Variants in ARPC4 observed in about 807,000 individuals in gnomAD.
The protein encoded by ARPC4 is actin related protein 2/3 complex subunit 4.
In ARPC4, 3 loss-of-function variants were observed where a neutral mutation model predicts 22.8. The ratio of observed to expected loss-of-function variants is 0.13; its 90% CI spans 0.06 to 0.34. The LOEUF (loss-of-function observed/expected upper bound fraction) is 0.34, where lower values mean the gene tolerates loss of function less well. Among genes scored for constraint, ARPC4 ranks in the 10% least tolerant of loss-of-function variants. ARPC4 has a pLI of 1.00. For synonymous variants in ARPC4, 80 were observed against 72.5 expected, an observed-to-expected ratio of 1.10 and a Z score of -0.52; for missense variants, 98 against 211.0, an observed-to-expected ratio of 0.46 and a Z score of 3.32.
intron 5 of ARPC4, among the ~76,000 whole-genome samples, chr3:9,805,775 T>C (rs954356187): frequency 2.0e-5 from 3 of 152,192 alleles, no homozygotes; most frequent in African/African-American, 7.2e-5. Flanking sequence ...TTCAAGGGCC[T>C]GGCTTGGTTG....
intron 1 of ARPC4, among the ~76,000 whole-genome samples, chr3:9,795,212 C>T (rs988127641): frequency 2.0e-5 from 3 of 152,072 alleles, no homozygotes; most frequent in African/African-American, 7.2e-5. Flanking sequence ...GTTGGCCAGG[C>T]TGGTCTTGAA....
intron 4 of ARPC4, among the ~76,000 whole-genome samples, chr3:9,803,046 G>T (rs2079045519): frequency 6.6e-6 from 1 of 151,842 alleles, no homozygotes; most frequent in African/African-American, 2.4e-5. Flanking sequence ...ACCATTCCCG[G>T]CTAATTTTTT....
chr3:9,800,792 A>T (rs566477981), intron 3 of ARPC4, among the ~76,000 whole-genome samples: 2 of 152,260 alleles, frequency 1.3e-5, no homozygotes, highest in South Asian at 4.1e-4. Flanking sequence ...CAGACTACAC[A>T]CTGTTTTCTA....
chr3:9,793,037 C>G (rs913121089), upstream of ARPC4: 14 of 1,541,390 alleles, frequency 9.1e-6, no homozygotes, highest in Non-Finnish European at 8.7e-6. Context: ...GGGCGGAGAC[C>G]GTAGCTGCGC....
At chr3:9,794,206 A>C (rs1293716451) in intron 1 of ARPC4, among the ~76,000 whole-genome samples, 10 of 152,108 alleles carry the variant, frequency 6.6e-5, no homozygotes, top group Non-Finnish European at 1.5e-4. Flanking sequence ...ACTTTCTATA[A>C]CTGTTGACAA....
intron 5 of ARPC4, among the ~76,000 whole-genome samples, chr3:9,804,719 C>G (rs761028056): frequency 8.5e-5 from 13 of 152,146 alleles, no homozygotes; most frequent in Non-Finnish European, 1.5e-4. Flanking sequence ...TGTACTCCCA[C>G]CAGTAAGTAC....
chr3:9,800,432 CT>C (rs921108148), intron 3 of ARPC4, 136 bp downstream of exon 3: 663 of 765,490 alleles, frequency 8.7e-4, no homozygotes, highest in Non-Finnish European at 9.5e-4. Context: ...CCTCTGCTTC[CT>C]TTTTTTTTGA....
intron 4 of ARPC4, among the ~76,000 whole-genome samples, chr3:9,803,208 A>G (rs990487392): frequency 2.2e-4 from 33 of 152,216 alleles, no homozygotes; most frequent in Admixed American, 6.5e-5. Context: ...TTAAAGCCAC[A>G]GTTAACATTG....
chr3:9,803,576 G>A (rs1477331000), intron 4 of ARPC4: 2 of 608,502 alleles, frequency 3.3e-6, no homozygotes, highest in Admixed American at 2.1e-5. Flanking sequence ...GACTCATTCT[G>A]AATGCAGAGC....
At position 9,806,222 on chromosome 3, in the gene ARPC4, T is replaced by G; in HGVS notation, c.*7T>G. On this transcript the variant is annotated 3_prime_UTR_variant, in exon 6 of 6. Coordinates refer to ENST00000397261, the MANE Select transcript of ARPC4 (RefSeq NM_005718.5). Reference sequence around the variant, plus strand: ...GTTCTCTTGACAGTTTTAAACCATCTGGCTGGATCTCGTGGCCTTCCCCCT... The same window carrying G: ...GTTCTCTTGACAGTTTTAAACCATCGGGCTGGATCTCGTGGCCTTCCCCCT... 1 of 1,613,896 alleles carries G rather than the reference T, an allele frequency of 6.2e-7. No individual in the cohort carries two copies. Among genetic ancestry groups the G allele is most frequent in the Non-Finnish European group, 8.5e-7 (1 of 1,179,740 alleles).
intron 2 of ARPC4, among the ~76,000 whole-genome samples, chr3:9,798,364 G>C (rs188736554): frequency 1.3e-5 from 2 of 151,790 alleles, no homozygotes; most frequent in Non-Finnish European, 2.9e-5. Flanking sequence ...TGGGTAGATC[G>C]CTTGAGTACA....
intron 4 of ARPC4, among the ~76,000 whole-genome samples, chr3:9,802,631 T>G (rs1333323961): frequency 2.0e-5 from 3 of 150,222 alleles, no homozygotes; most frequent in Non-Finnish European, 1.5e-5. Flanking sequence ...TGCCTCGGCC[T>G]CCCAAAGTGC....
intron 1 of ARPC4, 22 bp from the exon 2 acceptor site, chr3:9,797,637 T>G (rs1166560581): frequency 6.2e-7 from 1 of 1,606,300 alleles, no homozygotes; most frequent in Non-Finnish European, 8.5e-7. Flanking sequence ...ATCTTCCCTT[T>G]CCTCTGTGTT....
rs373791844 is a variant in ARPC4 at position 9,793,111 on chromosome 3, C to T, written c.-11C>T. The T allele has an allele frequency of 7.8e-6, 12 of 1,544,076 alleles. No individual in the cohort carries two copies. Among genetic ancestry groups the T allele is most frequent in the African/African-American group, 2.7e-5 (2 of 72,804 alleles). On this transcript the variant is annotated 5_prime_UTR_variant, in exon 1 of 6. Transcript: ENST00000397261. ...CCGTACTTCCGCTTTCCGGCCCAGC[C>T]AGCGCCCGCGATGGTGAGAGAGCCG...
chr3:9,803,738 T>C (rs1201023997), intron 4 of ARPC4, 105 bp from the exon 5 acceptor site: 9 of 1,247,646 alleles, frequency 7.2e-6, no homozygotes, highest in East Asian at 2.3e-5. Context: ...TCACAGCCAG[T>C]GGGAAGCATG....
intron 1 of ARPC4, among the ~76,000 whole-genome samples, chr3:9,796,758 C>T (rs571573737): frequency 5.9e-5 from 9 of 151,774 alleles, no homozygotes; most frequent in African/African-American, 1.5e-4. Flanking sequence ...TGGCTAACAC[C>T]GTGAAACCCT....
At chr3:9,792,972 G>A (rs1005777087), upstream of ARPC4, 6 of 1,423,208 alleles carry the variant, frequency 4.2e-6, no homozygotes, top group Admixed American at 3.0e-5. Flanking sequence ...AGGCCCAAGC[G>A]TTCGTAAGGG....
chr3:9,793,381 C>A (rs2078799343), intron 1 of ARPC4, among the ~76,000 whole-genome samples: 1 of 152,170 alleles, frequency 6.6e-6, no homozygotes, highest in East Asian at 1.9e-4. Context: ...TTTTCCTGAG[C>A]CCTGTAGGAA....
At chr3:9,798,598 G>A (rs1048524186) in intron 2 of ARPC4, among the ~76,000 whole-genome samples, 5 of 151,680 alleles carry the variant, frequency 3.3e-5, no homozygotes, top group South Asian at 2.1e-4. Flanking sequence ...TAAATAGGCC[G>A]GGCACAGTGG....
Sources: gnomAD v4.1 joint callset for allele counts (sites outside exome capture counted in the v4.1 genomes callset) on GRCh38, gnomAD v4.1.1 for gene constraint, MANE v1.5 for transcripts, NCBI Gene and HGNC (gene_info 2026-07-23, HGNC 2026-07-21) for gene names.